CCDC7: variants seen among roughly 807,000 people sequenced by gnomAD.
The protein encoded by CCDC7 is coiled-coil domain-containing protein 7.
In CCDC7, 183 loss-of-function variants were observed where a neutral mutation model predicts 196.9. That is an observed-to-expected ratio of 0.93 (90% CI 0.82 to 1.05). The LOEUF is 1.05. Among genes scored for constraint, CCDC7 ranks in the 50% least tolerant of loss-of-function variants. The probability of loss-of-function intolerance (pLI) is 0.00; values close to 1 mark genes in which losing one functional copy is unlikely to be tolerated. For missense variants in CCDC7, 1,540 were observed against 1,482.2 expected (o/e 1.04, Z -0.64); for synonymous variants, 525 against 484.6 (o/e 1.08, Z -1.10).
At chr10:32,767,313 TTACCTAATTTTTA>T (rs1258793882) in intron 28 of CCDC7, among the ~76,000 whole-genome samples, 3 of 152,138 alleles carry the variant, frequency 2.0e-5, no homozygotes, top group African/African-American at 7.2e-5. Flanking sequence ...GTTTTGCCTT[TTACCTAATTTTTA>T]TACACTGGTC....
intron 29 of CCDC7, among the ~76,000 whole-genome samples, chr10:32,801,417 C>A (rs186399904): frequency 9.3e-4 from 141 of 152,294 alleles, no homozygotes; most frequent in African/African-American, 3.2e-3. Flanking sequence ...TTTTTTAACT[C>A]CCCAGTCTGC....
intron 18 of CCDC7, among the ~76,000 whole-genome samples, chr10:32,614,297 A>T (rs2062531641): frequency 7.2e-6 from 1 of 137,994 alleles, no homozygotes; most frequent in Non-Finnish European, 1.6e-5. Context: ...ATCTTCCTCC[A>T]TCCCTTTATT....
intron 32 of CCDC7, among the ~76,000 whole-genome samples, chr10:32,830,141 TCC>T (rs2091995808): frequency 2.5e-3 from 302 of 118,948 alleles, no homozygotes; most frequent in Middle Eastern, 4.5e-3. Context: ...TATATATATA[TCC>T]TATTAGTTCT....
chr10:32,575,040 C>A (rs1223528756), intron 16 of CCDC7, among the ~76,000 whole-genome samples: 1 of 152,002 alleles, frequency 6.6e-6, no homozygotes, highest in African/African-American at 2.4e-5. Flanking sequence ...TACATTATAA[C>A]AGGAGAGACA....
intron 20 of CCDC7, among the ~76,000 whole-genome samples, chr10:32,642,924 A>G (rs1185887402): frequency 6.6e-6 from 1 of 152,254 alleles, no homozygotes; most frequent in Non-Finnish European, 1.5e-5. Context: ...CAGTAAATGT[A>G]ATGATGAATA....
At chr10:32,808,903 T>A (rs2086450868) in intron 30 of CCDC7, among the ~76,000 whole-genome samples, 1 of 152,076 alleles carries the variant, frequency 6.6e-6, no homozygotes, top group Non-Finnish European at 1.5e-5. Context: ...AGGGTAGGCA[T>A]GGTGACTCAT....
Position 32,708,624 on chromosome 10 carries a change from G to GA in CCDC7, c.2459-2990dup, listed in dbSNP as rs200609235. 6.7e-3 allele frequency among the ~76,000 whole-genome samples: 1,020 copies of GA among 152,188 alleles called. 9 individuals are homozygous for GA. Among genetic ancestry groups the GA allele is most frequent in the African/African-American group, 0.023 (956 of 41,512 alleles). ...TATAAGAACTTAAACAAATTTACAA[G>GA]AAAAAATCAAACAACCCCATCAAAA... On this transcript the variant is annotated intron_variant, in intron 24 of 41. Coordinates refer to ENST00000639629, the Ensembl canonical transcript of CCDC7.
intron 21 of CCDC7, among the ~76,000 whole-genome samples, chr10:32,671,084 A>T (rs2073972900): frequency 6.6e-6 from 1 of 152,272 alleles, no homozygotes; most frequent in African/African-American, 2.4e-5. Flanking sequence ...GAATAAAGAA[A>T]ATTCATTCAA....
chr10:32,772,092 T>A (rs1008601595), intron 28 of CCDC7, among the ~76,000 whole-genome samples: 1 of 152,136 alleles, frequency 6.6e-6, no homozygotes, highest in African/African-American at 2.4e-5. Context: ...CAAAGCCAGG[T>A]GGGAACTGGG....
At chr10:32,583,453 A>G (rs2058937240) in intron 17 of CCDC7, 146 bp downstream of exon 18, 1 of 440,588 alleles carries the variant, frequency 2.3e-6, no homozygotes, top group Non-Finnish European at 3.7e-6. Flanking sequence ...AACCCACTTT[A>G]TATTTAGAAT....
At chr10:32,873,840 C>T (rs906465102) in intron 41 of CCDC7, among the ~76,000 whole-genome samples, 1 of 151,834 alleles carries the variant, frequency 6.6e-6, no homozygotes, top group Non-Finnish European at 1.5e-5. Flanking sequence ...TTTACCATCC[C>T]ACCAGCACTG....
At chr10:32,811,785 A>G (rs2087185903) in intron 30 of CCDC7, among the ~76,000 whole-genome samples, 1 of 152,158 alleles carries the variant, frequency 6.6e-6, no homozygotes, top group African/African-American at 2.4e-5. Context: ...AGTACAAGTC[A>G]ATATCTCTGA....
intron 8 of CCDC7, among the ~76,000 whole-genome samples, chr10:32,487,306 G>T (rs1020221823): frequency 6.6e-6 from 1 of 152,162 alleles, no homozygotes; most frequent in Non-Finnish European, 1.5e-5. Flanking sequence ...CATTCGTCAT[G>T]TAGTTCTCGT....
intron 22 of CCDC7, 31 bp downstream of exon 23, chr10:32,686,111 T>A (rs751352904): frequency 9.4e-7 from 1 of 1,059,766 alleles, no homozygotes; most frequent in South Asian, 1.6e-5. Context: ...TAACTTTACA[T>A]TATTTTAAAT....
In CCDC7 at chr10:32,511,980, C is replaced by T. The variant is rs182223885; in HGVS notation, c.873-5965C>T. 1,058 of 486,474 alleles carry T rather than the reference C, an allele frequency of 2.2e-3. 2 individuals carry two copies. Among genetic ancestry groups the T allele is most frequent in the Non-Finnish European group, 2.9e-3 (793 of 273,078 alleles). 30.1% of individuals were successfully genotyped at this position (486,474 alleles called of 1,614,324 possible). The stretch of plus-strand genomic sequence containing the variant: ...AAATTTATATAGTAGCAGGATAGGA[C>T]AATCATGTTGGTCTTTGGGGGAGCT... On this transcript the variant is annotated intron_variant, in intron 9 of 41. Coordinates refer to ENST00000639629, the Ensembl canonical transcript of CCDC7.
chr10:32,863,308 C>T (rs2094076777), intron 41 of CCDC7, among the ~76,000 whole-genome samples: 1 of 151,996 alleles, frequency 6.6e-6, no homozygotes, highest in Non-Finnish European at 1.5e-5. Flanking sequence ...AACAGAAACA[C>T]AGACCAATGG....
rs2085035341 is a variant in CCDC7, at chr10:32,737,360, T to G, written c.2905+7903T>G. 2.6e-5 allele frequency among the ~76,000 whole-genome samples: 4 copies of G among 152,192 alleles called. No individual in the cohort carries two copies. In the East Asian group the frequency reaches 7.7e-4, roughly 29 times the overall value. On this transcript the variant is annotated intron_variant, in intron 28 of 41. Coordinates refer to ENST00000639629, the Ensembl canonical transcript of CCDC7. ...ATCTACTTTTGGTATTAGGGTAATATAGTTTAAATGTATTATGGAATGACA... is the reference window on the plus strand; with the variant it reads ...ATCTACTTTTGGTATTAGGGTAATAGAGTTTAAATGTATTATGGAATGACA...
intron 33 of CCDC7, among the ~76,000 whole-genome samples, chr10:32,841,567 C>T (rs2092971926): frequency 1.3e-5 from 2 of 151,990 alleles, no homozygotes; most frequent in African/African-American, 4.8e-5. Flanking sequence ...CAATGCAATT[C>T]CCATCAAAAT....
At chr10:32,593,264 C>T (rs1445459461) in intron 18 of CCDC7, among the ~76,000 whole-genome samples, 3 of 152,156 alleles carry the variant, frequency 2.0e-5, no homozygotes, top group South Asian at 2.1e-4. Context: ...GATGGTATCT[C>T]CTTGTGGTTT....
Sources: allele counts gnomAD v4.1 joint callset (sites outside exome capture counted in the v4.1 genomes callset), GRCh38; gene constraint gnomAD v4.1.1; transcripts MANE v1.5; gene names NCBI Gene and HGNC (gene_info 2026-07-23, HGNC 2026-07-21).